The following RIN3 variants were observed in gnomAD, a reference collection of about 807,000 sequenced individuals.
The protein encoded by RIN3 is RAB5 interacting protein 3.
Under a neutral mutation model 76.3 loss-of-function variants are expected in RIN3, and 54 were observed. The observed-to-expected ratio is 0.71, with a 90% confidence interval of 0.57 to 0.89. The LOEUF (loss-of-function observed/expected upper bound fraction) is 0.89, where lower values mean the gene tolerates loss of function less well. RIN3 is among the 40% of genes least tolerant of loss of function. RIN3 has a pLI of 0.00. For missense variants in RIN3, 1,256 were observed against 1,322.1 expected, an observed-to-expected ratio of 0.95 and a Z score of 0.78; for synonymous variants, 576 against 564.0, an observed-to-expected ratio of 1.02 and a Z score of -0.30.
intron 5 of RIN3, among the ~76,000 whole-genome samples, chr14:92,650,281 C>T (rs774376690): frequency 2.0e-4 from 30 of 152,214 alleles, no homozygotes; most frequent in Non-Finnish European, 2.6e-4. Context: ...CAAATCCCAG[C>T]GTCTCACTCC....
Position 92,584,144 on chromosome 14 carries a change from C to T in RIN3, c.367+6667C>T, listed in dbSNP as rs187828316. Among the ~76,000 whole-genome samples the T allele has an allele frequency of 1.2e-3, 178 of 152,244 alleles. 2 individuals carry two copies. The highest frequency in any genetic ancestry group is 3.9e-3 in the African/African-American group (161 of 41,536). ...CAAGGACTTGAGCATCCTCAGATTT[C>T]GGTTTCTGAGGGGGTGGGGGGGTCT... is the stretch of plus-strand genomic sequence containing the variant. On this transcript the variant is annotated intron_variant, in intron 3 of 9. Coordinates refer to ENST00000216487, the MANE Select transcript of RIN3 (RefSeq NM_024832.5).
In RIN3 at chr14:92,685,481, T is replaced by C. The variant is rs1178887824; in HGVS notation, c.2631+331T>C. 1 of 267,662 alleles carries C rather than the reference T, an allele frequency of 3.7e-6. No homozygotes were observed. The highest frequency in any genetic ancestry group is 7.3e-6 in the Non-Finnish European group (1 of 137,466). 16.6% of individuals were successfully genotyped at this position (267,662 alleles called of 1,614,324 possible). On this transcript the variant is annotated intron_variant, in intron 9 of 9. Transcript: ENST00000216487. This position sits in a 1 kb window ranked among gnomAD's most constrained non-coding sequence, Gnocchi z 4.7. ...TGCAGGGGCTGGAGATGGGGACTTG[T>C]CATCCCAGTCCCTGCTTTAAGGAGC...
At chr14:92,516,176 C>A (rs1241168581) in intron 1 of RIN3, among the ~76,000 whole-genome samples, 1 of 152,156 alleles carries the variant, frequency 6.6e-6, no homozygotes, top group Non-Finnish European at 1.5e-5. Context: ...GAAAAGGATT[C>A]CACTGCTGGA....
At position 92,656,142 on chromosome 14, in the gene RIN3, T is replaced by A. The variant is rs1390377303; in HGVS notation, c.2027-3019T>A. On this transcript the variant is annotated intron_variant, in intron 6 of 9. Transcript: ENST00000216487. The surrounding 1 kb of genome is among the most constrained non-coding windows in gnomAD (Gnocchi z 5.2). ...AGAGGAAACTGTGGTCAGCCCTGCC[T>A]TCCAGAGTTGGGGGAGTGTAAGAGC... Among the ~76,000 whole-genome samples the A allele has an allele frequency of 6.6e-6, 1 of 152,158 alleles. No homozygotes were observed. The highest frequency in any genetic ancestry group is 2.4e-5 in the African/African-American group (1 of 41,432).
At chr14:92,559,326 G>A (rs1194395962) in intron 2 of RIN3, among the ~76,000 whole-genome samples, 3 of 152,186 alleles carry the variant, frequency 2.0e-5, no homozygotes, top group African/African-American at 7.2e-5. Flanking sequence ...CACTAGAGTG[G>A]GCTAACTTTC....
intron 1 of RIN3, chr14:92,515,345 A>C (rs897340577): frequency 4.4e-6 from 3 of 681,208 alleles, no homozygotes; most frequent in Non-Finnish European, 8.0e-6. Flanking sequence ...CTCAGGGAGG[A>C]AGGGGAGGTG....
intron 1 of RIN3, among the ~76,000 whole-genome samples, chr14:92,522,949 G>A (rs930062834): frequency 2.0e-5 from 3 of 152,148 alleles, no homozygotes; most frequent in African/African-American, 7.2e-5. Flanking sequence ...TGGAGTTGAA[G>A]TGGCCATCTT....
intron 3 of RIN3, among the ~76,000 whole-genome samples, chr14:92,600,384 A>G (rs994415953): frequency 6.6e-6 from 1 of 152,194 alleles, no homozygotes; most frequent in South Asian, 2.1e-4. Flanking sequence ...GGGCTGCCCC[A>G]GGATGCCTAA....
At chr14:92,573,391 C>T (rs1439623457) in intron 2 of RIN3, among the ~76,000 whole-genome samples, 1 of 152,200 alleles carries the variant, frequency 6.6e-6, no homozygotes, top group East Asian at 1.9e-4. Flanking sequence ...AGTGTGTTCA[C>T]CAGCCAGAAA....
intron 1 of RIN3, among the ~76,000 whole-genome samples, chr14:92,529,152 G>A (rs1453727027): frequency 1.3e-5 from 2 of 152,274 alleles, no homozygotes; most frequent in South Asian, 2.1e-4. Context: ...GCCTAACAAA[G>A]GGATACTTAC....
rs761437701 is a variant in RIN3 at position 92,657,708 on chromosome 14, G to A, written c.2027-1453G>A. ...TCTGCGCCCATCTCTGCCTGCGGAG[G>A]CTCCAGTGAGGTCGGGAGGTGGGCG... On this transcript the variant is annotated intron_variant, in intron 6 of 9. Coordinates refer to ENST00000216487, the MANE Select transcript of RIN3 (RefSeq NM_024832.5). Among the ~76,000 whole-genome samples, 117 of 152,314 alleles carry A rather than the reference G, an allele frequency of 7.7e-4. 1 individual carries two copies. The highest frequency in any genetic ancestry group is 7.6e-4 in the Non-Finnish European group (52 of 68,034).
chr14:92,671,633 G>T (rs1595501289), intron 7 of RIN3, among the ~76,000 whole-genome samples: 1 of 152,154 alleles, frequency 6.6e-6, no homozygotes, highest in African/African-American at 2.4e-5. Context: ...ATAGCCAGGG[G>T]ATACAAAGCC....
intron 1 of RIN3, among the ~76,000 whole-genome samples, chr14:92,550,876 T>C (rs1897404603): frequency 1.3e-5 from 2 of 152,208 alleles, no homozygotes; most frequent in South Asian, 2.1e-4. Flanking sequence ...AGAACTGTTA[T>C]GCCAGTAGTT....
intron 1 of RIN3, among the ~76,000 whole-genome samples, chr14:92,521,793 A>G (rs1429223449): frequency 6.6e-6 from 1 of 152,234 alleles, no homozygotes; most frequent in East Asian, 1.9e-4. Context: ...TAAGAGAAAT[A>G]TGTGCGTATT....
intron 4 of RIN3, chr14:92,615,700 C>T (rs1885932506): frequency 1.8e-6 from 1 of 548,248 alleles, no homozygotes; most frequent in African/African-American, 1.9e-5. Context: ...CACACCTGCC[C>T]CTCTGGCTCA....
rs550174806 is a variant in RIN3 at position 92,627,742 on chromosome 14, C to T, written c.440+12263C>T. On this transcript the variant is annotated intron_variant, in intron 4 of 9. Transcript: ENST00000216487. ...GCCACGTCAGCAAGGCAGTGGGTCA[C>T]GTCTCCCCCTGGGAGATGACCAGAG... Among the ~76,000 whole-genome samples, 11 of 152,326 alleles carry T rather than the reference C, an allele frequency of 7.2e-5. No homozygotes were observed. In the South Asian group the frequency reaches 8.3e-4, roughly 11 times the overall value.
At chr14:92,603,778 C>T (rs560849531) in intron 3 of RIN3, among the ~76,000 whole-genome samples, 3 of 152,306 alleles carry the variant, frequency 2.0e-5, no homozygotes, top group African/African-American at 7.2e-5. Context: ...CTGGCAGCAC[C>T]TTTTCCTCAG....
At chr14:92,654,656 G>A (rs141382091) in intron 6 of RIN3, among the ~76,000 whole-genome samples, 104 of 152,320 alleles carry the variant, frequency 6.8e-4, no homozygotes, top group African/African-American at 1.9e-3. Flanking sequence ...TCATGATGGC[G>A]TTTCAGGTGT....
At position 92,688,127 on chromosome 14, in the gene RIN3, G is replaced by A; in HGVS notation, c.2833G>A (p.Gly945Ser). Residue 945 changes from glycine to serine, a missense_variant, in exon 10 of 10, where the codon GGC becomes AGC. Around this residue, in one of 3 missense-constraint regions of RIN3, gnomAD observed 218 missense variants for 174.5 expected, o/e 1.25. Coordinates refer to ENST00000216487, the MANE Select transcript of RIN3 (RefSeq NM_024832.5). The part of the protein sequence containing the change: ...ADDALPHCIK[G>S]YLLRSEPKRD... ...CGACGCGCTGCCGCACTGCATCAAGGGCTACCTGCTGCGCAGCGAGCCCAA... is the reference window on the plus strand; with the variant it reads ...CGACGCGCTGCCGCACTGCATCAAGAGCTACCTGCTGCGCAGCGAGCCCAA... The A allele has an allele frequency of 1.2e-6, 2 of 1,609,952 alleles. No individual in the cohort carries two copies. The highest frequency in any genetic ancestry group is 2.2e-5 in the South Asian group (2 of 90,884).
Sources: allele counts gnomAD v4.1 joint callset (sites outside exome capture counted in the v4.1 genomes callset), GRCh38; gene constraint gnomAD v4.1.1; regional missense constraint gnomAD v4.1.1; non-coding constraint Gnocchi (gnomAD v3.1); transcripts MANE v1.5; gene names NCBI Gene and HGNC (gene_info 2026-07-23, HGNC 2026-07-21).